Variants in SPIRE2 observed in about 807,000 individuals in gnomAD.
SPIRE2 encodes the protein spire type actin nucleation factor 2.
Under a neutral mutation model 80.7 loss-of-function variants are expected in SPIRE2, and 76 were observed. The ratio of observed to expected loss-of-function variants is 0.94; its 90% confidence interval spans 0.78 to 1.14. SPIRE2 has a LOEUF of 1.14. Among genes scored for constraint, SPIRE2 ranks in the 50% most tolerant of loss-of-function variants. The pLI, the probability that SPIRE2 is intolerant of heterozygous loss-of-function variation, is 0.00. For missense variants in SPIRE2, 1,196 were observed against 1,015.3 expected, an observed-to-expected ratio of 1.18 and a Z score of -2.42; for synonymous variants, 535 against 432.6, an observed-to-expected ratio of 1.24 and a Z score of -2.94.
intron 1 of SPIRE2, 114 bp from the exon 2 acceptor site, chr16:89,845,208 C>T (rs2041546312): frequency 2.1e-6 from 2 of 945,314 alleles, no homozygotes; most frequent in African/African-American, 3.3e-5. Context: ...TTCTGGTGTT[C>T]CGGCGGAGAG....
chr16:89,868,502 G>A (rs2143832566), intron 13 of SPIRE2, among the ~76,000 whole-genome samples: 1 of 152,252 alleles, frequency 6.6e-6, no homozygotes, highest in South Asian at 2.1e-4. Flanking sequence ...GTTTTAGGAG[G>A]GGCTTCTTAT....
chr16:89,854,676 C>T (rs2041671864), intron 5 of SPIRE2, 25 bp downstream of exon 5: 6 of 1,601,746 alleles, frequency 3.7e-6, no homozygotes, highest in South Asian at 1.1e-5. Context: ...CGCAGAGGGG[C>T]AGCCTGGATG....
chr16:89,840,773 C>G (rs2041499120), intron 1 of SPIRE2, among the ~76,000 whole-genome samples: 1 of 150,254 alleles, frequency 6.7e-6, no homozygotes, highest in Non-Finnish European at 1.5e-5. Flanking sequence ...GTAGCTGGGA[C>G]TACAGGTGCC....
chr16:89,854,278 G>A lies in SPIRE2; in HGVS notation c.646-8G>A, dbSNP rs1232418800. ...CTCCCCTGGACTGACGAGCACGTGT[G>A]GTCACAGATGCTGCAGAAGCTTCGG... On this transcript the variant is annotated splice_polypyrimidine_tract_variant and splice_region_variant and intron_variant, in intron 3 of 14. Transcript: ENST00000378247. 5 of 1,611,290 alleles carry A rather than the reference G, an allele frequency of 3.1e-6. No individual in the cohort carries two copies. The Admixed American group carries it at 8.4e-5, about 27-fold the overall frequency.
intron 13 of SPIRE2, 24 bp downstream of exon 13, chr16:89,868,240 G>C (rs774915209): frequency 1.9e-6 from 3 of 1,613,706 alleles, no homozygotes; most frequent in African/African-American, 1.3e-5. Context: ...GGGATCTCTG[G>C]GGTCTGAGCA....
chr16:89,863,523 G>A lies in SPIRE2; in HGVS notation c.1623G>A (p.Val541=). ...VESLALTVEE[V]MDVRRVLVKA... is the part of the protein sequence containing the mutation. ...GCCTGGCGCTGACTGTGGAAGAGGT[G>A]ATGGACGTGCGCCGTGTGCTGGTGA... Residue 541 remains valine, a synonymous_variant, in exon 11 of 15, where the codon GTG becomes GTA. Transcript: ENST00000378247. This position sits in a 1 kb window ranked among gnomAD's most constrained non-coding sequence, Gnocchi z 4.3. 1 of 1,614,118 alleles carries A rather than the reference G, an allele frequency of 6.2e-7. No homozygotes were observed.
At chr16:89,836,358 A>G (rs57792540) in intron 1 of SPIRE2, 1 of 411,722 alleles carries the variant, frequency 2.4e-6, no homozygotes, top group East Asian at 7.3e-5. Context: ...GATTCTGCCG[A>G]CTGCAGCGGA....
chr16:89,839,361 G>A (rs1039696730), intron 1 of SPIRE2, among the ~76,000 whole-genome samples: 9 of 130,768 alleles, frequency 6.9e-5, no homozygotes, highest in Admixed American at 5.5e-4. Context: ...GCGACAGAGC[G>A]AGACTCCATC....
At chr16:89,845,078 CA>C (rs1449787264) in intron 1 of SPIRE2, among the ~76,000 whole-genome samples, 3 of 152,174 alleles carry the variant, frequency 2.0e-5, no homozygotes, top group Non-Finnish European at 4.4e-5. Context: ...CATCCTTCTG[CA>C]AGTAGGGGTT....
chr16:89,835,654 G>A (rs905645923), intron 1 of SPIRE2, among the ~76,000 whole-genome samples: 1 of 152,164 alleles, frequency 6.6e-6, no homozygotes, highest in African/African-American at 2.4e-5. Context: ...TCCTCAGAGG[G>A]CATTGGGACT....
chr16:89,869,586 A>G lies in SPIRE2; in HGVS notation c.1826A>G (p.Lys609Arg). 6.2e-7 allele frequency: 1 copy of G among 1,613,956 alleles called. No homozygotes were observed. The highest frequency in any genetic ancestry group is 8.5e-7 in the Non-Finnish European group (1 of 1,179,906). Residue 609 changes from lysine (K) to arginine (R), a missense_variant, in exon 14 of 15, where the codon AAA (lysine) becomes AGA (arginine). By Grantham distance (26) the Lys-to-Arg change is conservative (BLOSUM62 2). Transcript: ENST00000378247. ...CSIKMKMPSK[K>R]FGHIPVYTLG... ...CTGCAGATGAAGATGCCTTCTAAGA[A>G]ATTTGGACACATCCCTGTCTACACA...
chr16:89,856,459 G>C (rs557420621), intron 7 of SPIRE2, among the ~76,000 whole-genome samples: 2 of 151,796 alleles, frequency 1.3e-5, no homozygotes, highest in South Asian at 4.2e-4. Context: ...ATATATATTT[G>C]TTTGAGATGG....
rs778141690 is a variant in SPIRE2 at position 89,869,612 on chromosome 16, C to T, written c.1852C>T (p.Leu618=). The T allele has an allele frequency of 5.8e-5, 93 of 1,614,052 alleles. 1 individual carries two copies. The South Asian group carries it at 1.0e-3, about 17-fold the overall frequency. The change falls in exon 14 of 15, where the codon CTG becomes TTG. Residue 618 remains leucine (L), a synonymous_variant. Transcript: ENST00000378247. The part of the protein sequence containing the change: ...KKFGHIPVYT[L]GFESPQRVSA... ...ATTTGGACACATCCCTGTCTACACA[C>T]TGGGCTTTGAGAGTCCTCAGAGGGT...
chr16:89,860,896 T>A, intron 10 of SPIRE2, 101 bp downstream of exon 10: 1 of 710,316 alleles, frequency 1.4e-6, no homozygotes. Context: ...TGAGCACCTG[T>A]CTGGGGGGTG....
intron 1 of SPIRE2, among the ~76,000 whole-genome samples, chr16:89,840,365 T>C (rs2041492583): frequency 6.7e-6 from 1 of 149,768 alleles, no homozygotes; most frequent in South Asian, 2.2e-4. Flanking sequence ...TTCTCCTGTC[T>C]CAGCCTCCCG....
chr16:89,853,589 G>A (rs943400818), intron 3 of SPIRE2, among the ~76,000 whole-genome samples: 8 of 152,140 alleles, frequency 5.3e-5, no homozygotes, highest in Non-Finnish European at 1.0e-4. Context: ...GCAGTGTGGC[G>A]GGTACCTGGG....
At position 89,828,574 on chromosome 16, in the gene SPIRE2, C is replaced by T. The variant is rs750851085; in HGVS notation, c.24C>T (p.Gly8=). The part of the protein sequence containing the change: MARAGSC[G]GAAAGAGRPE... ...CCATGGCCCGGGCGGGCAGCTGCGG[C>T]GGCGCCGCGGCGGGCGCAGGGCGGC... The change falls in exon 1 of 15, where the codon GGC becomes GGT. Residue 8 remains glycine, a synonymous_variant. Coordinates refer to ENST00000378247, the MANE Select transcript of SPIRE2 (RefSeq NM_032451.2). This position sits in a 1 kb window ranked among gnomAD's most constrained non-coding sequence, Gnocchi z 5.9. 6.0e-6 allele frequency: 7 copies of T among 1,157,838 alleles called. No homozygotes were observed. Among genetic ancestry groups the T allele is most frequent in the South Asian group, 3.7e-5 (1 of 27,150 alleles). 71.7% of individuals were successfully genotyped at this position (1,157,838 alleles called of 1,614,324 possible).
chr16:89,858,621 C>A, intron 8 of SPIRE2, 114 bp downstream of exon 8: 1 of 1,018,958 alleles, frequency 9.8e-7, no homozygotes, highest in Non-Finnish European at 1.4e-6. Context: ...GTCTCCTGTC[C>A]AGGAGCCCTC....
At position 89,863,393 on chromosome 16, in the gene SPIRE2, G is replaced by T. The variant is rs987051966; in HGVS notation, c.1576-83G>T. On this transcript the variant is annotated intron_variant, in intron 10 of 14. Coordinates refer to ENST00000378247, the MANE Select transcript of SPIRE2 (RefSeq NM_032451.2). This position sits in a 1 kb window ranked among gnomAD's most constrained non-coding sequence, Gnocchi z 4.3. ...GCAGGCTTGTTTAGGCTGAGGCCAG[G>T]GAGGGTTAGGGTCCTCAGGGAAGGA... The T allele has an allele frequency of 5.9e-6, 9 of 1,514,866 alleles. No homozygotes were observed. In the African/African-American group the frequency reaches 1.2e-4, roughly 21 times the overall value. The allele number at this position is 1,514,866 out of a possible 1,614,324, so 93.8% of individuals were successfully genotyped here. A position where few individuals can be genotyped will look rare whatever the true frequency, so the allele number is the denominator to read the frequency against.
Sources: gnomAD v4.1 joint callset for allele counts (sites outside exome capture counted in the v4.1 genomes callset) on GRCh38, gnomAD v4.1.1 for gene constraint, Gnocchi (gnomAD v3.1) non-coding constraint, MANE v1.5 for transcripts, NCBI Gene and HGNC (gene_info 2026-07-23, HGNC 2026-07-21) for gene names.